The following SORCS2 variants were observed in gnomAD, a reference collection of about 807,000 sequenced individuals.
SORCS2 encodes the protein sortilin related VPS10 domain containing receptor 2, also known as VPS10 domain-containing receptor SorCS2.
In SORCS2, 100 loss-of-function variants were observed where a neutral mutation model predicts 141.6. The observed-to-expected ratio is 0.71, with a 90% CI of 0.60 to 0.83. SORCS2 has a LOEUF of 0.83. SORCS2 is among the 40% of genes least tolerant of loss of function. SORCS2 has a pLI of 0.00. For missense variants in SORCS2, 1,646 were observed against 1,560.2 expected (o/e 1.05, Z -0.93); for synonymous variants, 789 against 676.9 (o/e 1.17, Z -2.57).
rs146432642 is a variant in SORCS2, at chr4:7,226,094, A to G, written c.480+32968A>G. Among the ~76,000 whole-genome samples the G allele has an allele frequency of 2.2e-3, 338 of 152,258 alleles. 1 individual carries two copies. The highest frequency in any genetic ancestry group is 7.6e-3 in the African/African-American group (315 of 41,558). On this transcript the variant is annotated intron_variant, in intron 1 of 26. Transcript: ENST00000507866. ...GGTCTGGACCCCCAAAGCAGCCTCT[A>G]TAGCCTGGGGGCCTCTGATCTCCAG...
intron 1 of SORCS2, among the ~76,000 whole-genome samples, chr4:7,312,908 C>T (rs1380278031): frequency 6.6e-6 from 1 of 152,258 alleles, no homozygotes; most frequent in African/African-American, 2.4e-5. Flanking sequence ...TGGTGGATCT[C>T]CAGGGCTCCC....
At chr4:7,590,020 A>T (rs1716809585) in intron 3 of SORCS2, among the ~76,000 whole-genome samples, 1 of 152,162 alleles carries the variant, frequency 6.6e-6, no homozygotes, top group Non-Finnish European at 1.5e-5. Context: ...GGGCTGGAGG[A>T]TGCATTTATA....
intron 2 of SORCS2, among the ~76,000 whole-genome samples, chr4:7,490,105 G>C (rs1037487005): frequency 3.3e-5 from 5 of 152,214 alleles, no homozygotes; most frequent in African/African-American, 1.2e-4. Flanking sequence ...TGACACCCCA[G>C]GGGCCTGGCT....
At chr4:7,515,935 A>C (rs1732949330) in intron 2 of SORCS2, among the ~76,000 whole-genome samples, 1 of 151,860 alleles carries the variant, frequency 6.6e-6, no homozygotes, top group Non-Finnish European at 1.5e-5. Flanking sequence ...CTGTGTCCTC[A>C]CTCATGGGAG....
chr4:7,377,649 G>C (rs1722745515), intron 1 of SORCS2, among the ~76,000 whole-genome samples: 1 of 152,204 alleles, frequency 6.6e-6, no homozygotes, highest in Admixed American at 6.5e-5. Flanking sequence ...TGGCGGCAGG[G>C]CTCTCCTTCA....
chr4:7,357,094 G>T (rs530865913), intron 1 of SORCS2, among the ~76,000 whole-genome samples: 79 of 152,272 alleles, frequency 5.2e-4, no homozygotes, highest in African/African-American at 1.8e-3. Flanking sequence ...ACTACGGCCT[G>T]GGGTCCGGCT....
At chr4:7,596,404 G>A (rs141428744) in intron 3 of SORCS2, among the ~76,000 whole-genome samples, 1 of 152,286 alleles carries the variant, frequency 6.6e-6, no homozygotes, top group East Asian at 1.9e-4. Flanking sequence ...CGCTAGACCT[G>A]CATGTCAGAT....
intron 1 of SORCS2, among the ~76,000 whole-genome samples, chr4:7,364,683 T>C (rs1721777791): frequency 6.6e-6 from 1 of 152,226 alleles, no homozygotes; most frequent in Non-Finnish European, 1.5e-5. Context: ...TAACATTGGC[T>C]TGAGCACTTG....
chr4:7,392,650 C>T (rs1471556037), intron 1 of SORCS2, among the ~76,000 whole-genome samples: 1 of 151,314 alleles, frequency 6.6e-6, no homozygotes, highest in African/African-American at 2.4e-5. Context: ...TTTCAGGGTG[C>T]AGGGCTGCTG....
chr4:7,596,786 A>G (rs776484110), intron 3 of SORCS2, among the ~76,000 whole-genome samples: 3 of 152,144 alleles, frequency 2.0e-5, no homozygotes, highest in East Asian at 1.9e-4. Context: ...AGGGGCTTTC[A>G]TGTTTCAGGA....
chr4:7,325,274 G>A (rs913237430), intron 1 of SORCS2, among the ~76,000 whole-genome samples: 4 of 152,154 alleles, frequency 2.6e-5, no homozygotes, highest in Admixed American at 2.0e-4. Context: ...CAGGCAGCGC[G>A]CTTCACCTCC....
Position 7,600,258 on chromosome 4 carries a change from G to A in SORCS2, c.649-38070G>A, listed in dbSNP as rs1016243524. 5.3e-5 allele frequency among the ~76,000 whole-genome samples: 8 copies of A among 152,160 alleles called. No homozygotes were observed. In the South Asian group the frequency reaches 6.2e-4, roughly 12 times the overall value. On this transcript the variant is annotated intron_variant, in intron 3 of 26. Transcript: ENST00000507866. The stretch of plus-strand genomic sequence containing the variant: ...CAAGCTTAGGGGCTTGAAACAACAC[G>A]CATTTATCTTACCATGCTGGAGTCA...
chr4:7,567,998 C>T lies in SORCS2; in HGVS notation c.648+36369C>T, dbSNP rs1168972883. ...GTAATTTTTATTTTGTTTATGAGCA[C>T]GTCCTTGCTTTCTGGCGCTACAAGA... On this transcript the variant is annotated intron_variant, in intron 3 of 26. Coordinates refer to ENST00000507866, the MANE Select transcript of SORCS2 (RefSeq NM_020777.3). Among the ~76,000 whole-genome samples, 4 of 152,160 alleles carry T rather than the reference C, an allele frequency of 2.6e-5. No homozygotes were observed. In the South Asian group the frequency reaches 6.2e-4, roughly 24 times the overall value.
chr4:7,621,463 TTA>T (rs57867488), intron 3 of SORCS2, among the ~76,000 whole-genome samples: 4,616 of 149,312 alleles, frequency 0.031, 219 homozygotes, highest in African/African-American at 0.11. Flanking sequence ...GTGTGAGTGT[TTA>T]TGTGTGTGTC....
intron 1 of SORCS2, among the ~76,000 whole-genome samples, chr4:7,218,305 TCTC>T (rs1728497795): frequency 2.0e-5 from 3 of 152,174 alleles, no homozygotes; most frequent in African/African-American, 7.2e-5. Context: ...ATCGCCTTCT[TCTC>T]CTCGATCACT....
rs1010280460 is a variant in SORCS2, at chr4:7,528,388, C to G, written c.549-3142C>G. 2.1e-5 allele frequency among the ~76,000 whole-genome samples: 3 copies of G among 146,202 alleles called. No individual in the cohort carries two copies. In the East Asian group the frequency reaches 6.3e-4, roughly 31 times the overall value. ...TGCAGGGTGAGGGGCTTCCTAGGCA[C>G]TGGCAGCTGCTACGTTTTTTTTTTT... On this transcript the variant is annotated intron_variant, in intron 2 of 26. Transcript: ENST00000507866.
rs972860689 is a variant in SORCS2 at position 7,419,795 on chromosome 4, T to C, written c.548+23440T>C. 8.0e-4 allele frequency among the ~76,000 whole-genome samples: 122 copies of C among 152,186 alleles called. 7 individuals are homozygous for C. The highest frequency in any genetic ancestry group is 4.4e-5 in the Non-Finnish European group (3 of 68,030). On this transcript the variant is annotated intron_variant, in intron 2 of 26. Coordinates refer to ENST00000507866, the MANE Select transcript of SORCS2 (RefSeq NM_020777.3). ...ACAGTGTAGATGGAAGCCAGATCTC[T>C]GGATCTAAGAGGCAGCAAGCTATGT...
At chr4:7,386,644 G>C (rs893288331) in intron 1 of SORCS2, among the ~76,000 whole-genome samples, 2 of 147,058 alleles carry the variant, frequency 1.4e-5, no homozygotes, top group Non-Finnish European at 3.0e-5. Context: ...TGCACACACA[G>C]ATACACAGAA....
intron 1 of SORCS2, among the ~76,000 whole-genome samples, chr4:7,319,650 G>T (rs1170298479): frequency 1.3e-5 from 2 of 152,118 alleles, no homozygotes; most frequent in South Asian, 2.1e-4. Flanking sequence ...GAAGATTGAG[G>T]CTGCAGTGAA....
Sources: gnomAD v4.1 joint callset for allele counts (sites outside exome capture counted in the v4.1 genomes callset) on GRCh38, gnomAD v4.1.1 for gene constraint, MANE v1.5 for transcripts, NCBI Gene and HGNC (gene_info 2026-07-23, HGNC 2026-07-21) for gene names.